CFAP43: variants seen among roughly 807,000 people sequenced by gnomAD.
CFAP43 encodes cilia and flagella associated protein 43.
CFAP43 carries 155 observed loss-of-function variants against 218.9 expected under a neutral mutation model. The observed-to-expected ratio is 0.71, with a 90% confidence interval of 0.62 to 0.81. The LOEUF (loss-of-function observed/expected upper bound fraction) is 0.81. CFAP43 is among the 30% of genes least tolerant of loss of function. The pLI, the probability that CFAP43 is intolerant of heterozygous loss-of-function variation, is 0.00. For synonymous variants in CFAP43, 645 were observed against 681.3 expected, an observed-to-expected ratio of 0.95 and a Z score of 0.83; for missense variants, 1,778 against 1,954.3, an observed-to-expected ratio of 0.91 and a Z score of 1.70.
chr10:104,134,890 GTACC>G (rs1422824989), intron 34 of CFAP43, among the ~76,000 whole-genome samples: 3 of 152,130 alleles, frequency 2.0e-5, no homozygotes, highest in African/African-American at 7.2e-5. Context: ...GAGGCCAGCA[GTACC>G]TTGATACCAA....
chr10:104,218,444 T>G (rs1456676975), intron 3 of CFAP43, among the ~76,000 whole-genome samples: 1 of 150,310 alleles, frequency 6.7e-6, no homozygotes, highest in African/African-American at 2.4e-5. Context: ...TCCAAGGTAA[T>G]AATGTGTTTG....
In CFAP43 at chr10:104,198,047, C is replaced by T; in HGVS notation, c.1096-9G>A. On this transcript the variant is annotated splice_polypyrimidine_tract_variant and intron_variant, in intron 8 of 37. Transcript: ENST00000357060. ...TAGATATAAACAGATCCCTGATAAACATACAAAAGAAAAGAAACACATTGT... is the reference window on the plus strand; with the variant it reads ...TAGATATAAACAGATCCCTGATAAATATACAAAAGAAAAGAAACACATTGT... The T allele has an allele frequency of 6.7e-7, 1 of 1,491,570 alleles. No individual in the cohort carries two copies. The allele number at this position is 1,491,570 out of a possible 1,614,324, so 92.4% of individuals were successfully genotyped here. A position where few individuals can be genotyped will look rare whatever the true frequency, so the allele number is the denominator to read the frequency against.
At chr10:104,205,212 C>CAAAAAAAAAAAAAAAAAAAAAAAAAAAA (rs71022723) in intron 7 of CFAP43, among the ~76,000 whole-genome samples, 2 of 56,572 alleles carry the variant, frequency 3.5e-5, no homozygotes, top group African/African-American at 6.8e-5. Flanking sequence ...GACTCCGTCT[C>CAAAAAAAAAAAAAAAAAAAAAAAAAAAA]AAAAAAAAAA....
At chr10:104,148,041 CCTGAGA>C in intron 28 of CFAP43, 43 bp from the exon 29 acceptor site, 4 of 1,297,210 alleles carry the variant, frequency 3.1e-6, no homozygotes, top group South Asian at 1.6e-5. Context: ...ATTACTTCCA[CCTGAGA>C]CAATATTTTC....
intron 1 of CFAP43, among the ~76,000 whole-genome samples, chr10:104,231,150 A>G (rs1009412233): frequency 6.6e-6 from 1 of 152,242 alleles, no homozygotes; most frequent in Non-Finnish European, 1.5e-5. Flanking sequence ...GGTCTTCTAT[A>G]CTTGGAAGAC....
At chr10:104,190,234 AAGC>A (rs1279007310) in intron 12 of CFAP43, among the ~76,000 whole-genome samples, 12 of 151,856 alleles carry the variant, frequency 7.9e-5, no homozygotes, top group Admixed American at 7.9e-4. Context: ...CAGGAGGCTG[AAGC>A]AGCAGTATTG....
At chr10:104,162,725 A>G (rs2088944393) in intron 24 of CFAP43, among the ~76,000 whole-genome samples, 1 of 151,766 alleles carries the variant, frequency 6.6e-6, no homozygotes, top group African/African-American at 2.4e-5. Context: ...GGGGGTCCTA[A>G]GAGGTCGAGA....
intron 3 of CFAP43, among the ~76,000 whole-genome samples, chr10:104,222,490 G>A (rs1471210178): frequency 6.6e-6 from 1 of 152,120 alleles, no homozygotes; most frequent in Non-Finnish European, 1.5e-5. Context: ...TGGGCCCCAG[G>A]GCACCTCTGC....
intron 3 of CFAP43, among the ~76,000 whole-genome samples, chr10:104,220,949 CGTGTGTGTGTGTGTGT>C (rs68093596): frequency 6.3e-5 from 9 of 143,696 alleles, no homozygotes; most frequent in South Asian, 2.2e-4. Context: ...TATGAGTGAG[CGTGTGTGTGTGTGTGT>C]GTGTGTGTGT....
Position 104,164,108 on chromosome 10 carries a change from C to T in CFAP43, c.3232G>A (p.Val1078Met). Residue 1078 changes from valine (V) to methionine (M), a missense_variant, in exon 24 of 38, where the codon GTG becomes ATG. Around this residue, in one of 3 missense-constraint regions of CFAP43, gnomAD observed 1,553 missense variants for 1,685.2 expected, o/e 0.92. Coordinates refer to ENST00000357060, the MANE Select transcript of CFAP43 (RefSeq NM_025145.7). ...DCEKPERTLV[V>M]QDEEITAHKH... ...CTAGCCAGTACCTCCTCATCTTGCA[C>T]AACAAGCGTTCTCTCTGGCTTCTCA... is the stretch of plus-strand genomic sequence containing the variant. 1 of 1,614,182 alleles carries T rather than the reference C, an allele frequency of 6.2e-7. No individual in the cohort carries two copies. Among genetic ancestry groups the T allele is most frequent in the Non-Finnish European group, 8.5e-7 (1 of 1,180,026 alleles).
At chr10:104,231,558 G>A (rs2091447872) in intron 1 of CFAP43, among the ~76,000 whole-genome samples, 1 of 152,172 alleles carries the variant, frequency 6.6e-6, no homozygotes, top group African/African-American at 2.4e-5. Context: ...GAAGGACACT[G>A]GTTTGGTGAG....
intron 3 of CFAP43, among the ~76,000 whole-genome samples, chr10:104,221,128 A>G (rs2091167996): frequency 6.6e-6 from 1 of 152,112 alleles, no homozygotes. Flanking sequence ...GGCACCCACC[A>G]CCACTCTGGC....
chr10:104,175,745 A>G (rs887527715), intron 19 of CFAP43, among the ~76,000 whole-genome samples: 2 of 152,140 alleles, frequency 1.3e-5, no homozygotes, highest in Non-Finnish European at 2.9e-5. Flanking sequence ...GCCTGCAGAC[A>G]TGTGCCACCA....
chr10:104,206,926 C>T (rs2090709799), intron 6 of CFAP43, among the ~76,000 whole-genome samples: 2 of 152,178 alleles, frequency 1.3e-5, no homozygotes, highest in Admixed American at 1.3e-4. Context: ...GTAATCCCAG[C>T]ACTTTGGGAG....
intron 7 of CFAP43, 98 bp from the exon 8 acceptor site, chr10:104,203,901 G>T: frequency 9.2e-7 from 1 of 1,083,454 alleles, no homozygotes; most frequent in Non-Finnish European, 1.2e-6. Flanking sequence ...TACTTCTACT[G>T]CTTATTTGGA....
rs1422441954 is a variant in CFAP43 at position 104,182,350 on chromosome 10, C to T, written c.2289+16G>A. 6.4e-7 allele frequency: 1 copy of T among 1,561,954 alleles called. No individual in the cohort carries two copies. Among genetic ancestry groups the T allele is most frequent in the East Asian group, 2.4e-5 (1 of 42,404 alleles). ...AAGAAATGTAAGCAAGCAAGCTAGT[C>T]ATATAGGAACTCAACTGTGTGTTCA... On this transcript the variant is annotated intron_variant, in intron 17 of 37. Transcript: ENST00000357060.
At chr10:104,174,794 G>A (rs1297062216) in intron 19 of CFAP43, among the ~76,000 whole-genome samples, 2 of 151,940 alleles carry the variant, frequency 1.3e-5, no homozygotes, top group African/African-American at 4.8e-5. Context: ...GGTGGCCCAC[G>A]CCTGTAATCC....
rs1450684461 is a variant in CFAP43, at chr10:104,185,165, A to G, written c.2011-19T>C. ...ATGTTTCCTCAATAGTTAAGAAATA[A>G]ACCAGAAAAATTACAAATGCAATTC... On this transcript the variant is annotated intron_variant, in intron 15 of 37. Coordinates refer to ENST00000357060, the MANE Select transcript of CFAP43 (RefSeq NM_025145.7). 6.2e-7 allele frequency: 1 copy of G among 1,612,904 alleles called. No homozygotes were observed. The highest frequency in any genetic ancestry group is 2.2e-5 in the East Asian group (1 of 44,808).
At chr10:104,208,926 T>G (rs1424970441) in intron 5 of CFAP43, among the ~76,000 whole-genome samples, 1 of 152,222 alleles carries the variant, frequency 6.6e-6, no homozygotes, top group African/African-American at 2.4e-5. Context: ...GATACATTTC[T>G]AACGCCCTAA....
Sources: allele counts gnomAD v4.1 joint callset (sites outside exome capture counted in the v4.1 genomes callset), GRCh38; gene constraint gnomAD v4.1.1; regional missense constraint gnomAD v4.1.1; transcripts MANE v1.5; gene names NCBI Gene and HGNC (gene_info 2026-07-23, HGNC 2026-07-21).